Variants in OR52I2 observed in about 807,000 individuals in gnomAD.
OR52I2 encodes the protein olfactory receptor 52I2.
For synonymous variants in OR52I2, 147 were observed against 151.9 expected (o/e 0.97, Z 0.24); for missense variants, 350 against 402.4 (o/e 0.87, Z 1.11).
At chr11:4,588,140 A>T (rs1159548270) in exon 2 of OR52I2, 1 of 412,848 alleles carries the variant, frequency 2.4e-6, no homozygotes, top group African/African-American at 2.0e-5. Context: ...GGAATGTGCT[A>T]GGTTAGGCTG....
intron 1 of OR52I2, among the ~76,000 whole-genome samples, chr11:4,583,650 GAGC>G (rs1399472086): frequency 2.6e-5 from 4 of 152,142 alleles, no homozygotes; most frequent in East Asian, 3.9e-4. Context: ...AGTTTACAGT[GAGC>G]TCCTATAAAC....
chr11:4,582,439 T>TC (rs1846265741), intron 1 of OR52I2, among the ~76,000 whole-genome samples: 1 of 65,140 alleles, frequency 1.5e-5, no homozygotes, highest in Admixed American at 1.5e-4. Flanking sequence ...TTTTCATTTT[T>TC]TTTTTTTTTT....
exon 2 of OR52I2, chr11:4,588,202 A>T: frequency 2.5e-4 from 68 of 270,886 alleles, no homozygotes; most frequent in Middle Eastern, 1.2e-3. Flanking sequence ...CTTAAAATGA[A>T]AGACAACAAA....
At chr11:4,582,729 C>T (rs965620761) in intron 1 of OR52I2, among the ~76,000 whole-genome samples, 8 of 151,938 alleles carry the variant, frequency 5.3e-5, no homozygotes, top group African/African-American at 9.7e-5. Flanking sequence ...CCACCATGTC[C>T]GGTCGAACTT....
At chr11:4,582,195 G>A (rs112353392) in intron 1 of OR52I2, among the ~76,000 whole-genome samples, 59 of 152,118 alleles carry the variant, frequency 3.9e-4, no homozygotes, top group African/African-American at 1.2e-3. Context: ...GGGGTGACTG[G>A]GAGTATGCTT....
intron 1 of OR52I2, among the ~76,000 whole-genome samples, chr11:4,582,981 T>C (rs1470607885): frequency 6.6e-6 from 1 of 152,142 alleles, no homozygotes; most frequent in Admixed American, 6.5e-5. Context: ...TTGAGATTTG[T>C]GCATTTTCCA....
chr11:4,585,931 A>C (rs1016258094), intron 1 of OR52I2, among the ~76,000 whole-genome samples: 6 of 152,246 alleles, frequency 3.9e-5, no homozygotes, highest in Admixed American at 3.9e-4. Flanking sequence ...TACTATGTTC[A>C]TAATAAAGTG....
At chr11:4,587,684 C>A in exon 2 of OR52I2, 2 of 1,614,184 alleles carry the variant, frequency 1.2e-6, no homozygotes, top group Admixed American at 1.7e-5. Flanking sequence ...TCCATCTATG[C>A]GGCCTGGTTG....
intron 1 of OR52I2, among the ~76,000 whole-genome samples, chr11:4,582,185 G>C (rs946173204): frequency 1.3e-5 from 2 of 152,100 alleles, no homozygotes; most frequent in African/African-American, 4.8e-5. Context: ...CCAAGCAATA[G>C]GGGTGACTGG....
chr11:4,586,302 C>A (rs748408348), intron 1 of OR52I2, among the ~76,000 whole-genome samples: 2 of 152,088 alleles, frequency 1.3e-5, no homozygotes, highest in Non-Finnish European at 2.9e-5. Context: ...ATAAAAAATA[C>A]GATATGTTTG....
intron 1 of OR52I2, among the ~76,000 whole-genome samples, chr11:4,584,829 T>C (rs896867090): frequency 1.3e-5 from 2 of 152,184 alleles, no homozygotes; most frequent in Admixed American, 6.5e-5. Flanking sequence ...GCTCAGGCAA[T>C]GTGGGTTGAG....
chr11:4,582,602 G>A (rs1846267385), intron 1 of OR52I2, among the ~76,000 whole-genome samples: 1 of 151,728 alleles, frequency 6.6e-6, no homozygotes, highest in African/African-American at 2.4e-5. Flanking sequence ...ACCATGCCCA[G>A]CTAATTTTTT....
Position 4,587,847 on chromosome 11 carries a change from T to C in OR52I2, c.957T>C (p.His319=), listed in dbSNP as rs370319363. The change falls in exon 2 of 2, where the codon CAT becomes CAC. Residue 319 remains histidine (H), a synonymous_variant. Coordinates refer to ENST00000641896, the Ensembl canonical transcript of OR52I2. ...ATCTGATGCATGTCCTCTTTGACCA[T>C]TCCAACCTGGGTTCATGAACACAAT... is the stretch of plus-strand genomic sequence containing the variant. 89 of 1,613,682 alleles carry C rather than the reference T, an allele frequency of 5.5e-5. 1 individual carries two copies. Among genetic ancestry groups the C allele is most frequent in the East Asian group, 3.3e-4 (15 of 44,890 alleles).
chr11:4,589,997 A>C (rs548306771), exon 2 of OR52I2: 1 of 134,586 alleles, frequency 7.4e-6, no homozygotes, highest in South Asian at 2.1e-4. Context: ...TCTGCATGTG[A>C]ATATCCCCAC....
intron 1 of OR52I2, 82 bp from the exon 2 acceptor site, chr11:4,586,790 T>A (rs1213993748): frequency 1.9e-6 from 3 of 1,597,790 alleles, no homozygotes; most frequent in East Asian, 4.5e-5. Context: ...GCTGAGAATA[T>A]CCTTAGGTTT....
At chr11:4,586,167 T>G (rs926034137) in intron 1 of OR52I2, among the ~76,000 whole-genome samples, 4 of 152,200 alleles carry the variant, frequency 2.6e-5, no homozygotes, top group African/African-American at 9.6e-5. Context: ...TCCAGGTACT[T>G]TATTATCTCC....
exon 2 of OR52I2, chr11:4,592,301 T>A (rs1846356453): frequency 6.6e-6 from 1 of 152,194 alleles, no homozygotes; most frequent in Admixed American, 6.5e-5. Flanking sequence ...GTTACATAAT[T>A]TGACTGATGC....
exon 2 of OR52I2, chr11:4,591,333 T>G (rs1057128525): frequency 1.3e-5 from 2 of 152,182 alleles, no homozygotes; most frequent in African/African-American, 4.8e-5. Flanking sequence ...AAAGTCCTTT[T>G]TTTCAGGAGA....
chr11:4,589,723 CAGT>C (rs1288468913), exon 2 of OR52I2: 1 of 152,018 alleles, frequency 6.6e-6, no homozygotes, highest in South Asian at 2.1e-4. Context: ...GAAAAAAACC[CAGT>C]AGTAGGGCTG....
Sources: allele counts gnomAD v4.1 joint callset (sites outside exome capture counted in the v4.1 genomes callset), GRCh38; gene constraint gnomAD v4.1.1; transcripts MANE v1.5; gene names NCBI Gene and HGNC (gene_info 2026-07-23, HGNC 2026-07-21).